GRAMD2A: variants seen among roughly 807,000 people sequenced by gnomAD.
GRAMD2A encodes GRAM domain-containing protein 2A.
GRAMD2A carries 37 observed loss-of-function variants against 51.1 expected under a neutral mutation model. The ratio of observed to expected loss-of-function variants is 0.72; its 90% confidence interval spans 0.56 to 0.95. GRAMD2A has a LOEUF of 0.95. GRAMD2A is among the 40% of genes least tolerant of loss of function. The pLI, the probability that GRAMD2A is intolerant of heterozygous loss-of-function variation, is 0.00. For missense variants in GRAMD2A, 414 were observed against 426.9 expected (o/e 0.97, Z 0.27); for synonymous variants, 136 against 157.1 (o/e 0.87, Z 1.01).
chr15:72,163,965 C>A (rs887426042), intron 8 of GRAMD2A: 4 of 530,172 alleles, frequency 7.5e-6, no homozygotes, highest in Admixed American at 7.6e-5. Context: ...ACTAGCTATT[C>A]TGCCAGCAAA....
At chr15:72,188,841 G>A (rs1420712380) in intron 1 of GRAMD2A, among the ~76,000 whole-genome samples, 3 of 151,926 alleles carry the variant, frequency 2.0e-5, no homozygotes, top group Admixed American at 6.6e-5. Context: ...CGCCACCTCA[G>A]CCAGCTAAAT....
In GRAMD2A at chr15:72,166,767, GC is replaced by G; in HGVS notation, c.472-65del. 1 of 1,419,712 alleles carries G rather than the reference GC, an allele frequency of 7.0e-7. No individual in the cohort carries two copies. Among genetic ancestry groups the G allele is most frequent in the Non-Finnish European group, 9.9e-7 (1 of 1,009,572 alleles). The allele number at this position is 1,419,712 out of a possible 1,614,324, so 87.9% of individuals were successfully genotyped here. ...ATGAGACTCCTTGCTGTGCCAGCCA[GC>G]CCCCTTGTGGATTGGGCACAGGCCC... On this transcript the variant is annotated intron_variant, in intron 6 of 11. Coordinates refer to ENST00000309731, the MANE Select transcript of GRAMD2A (RefSeq NM_001012642.3). The surrounding 1 kb of genome is among the most constrained non-coding windows in gnomAD (Gnocchi z 4.1).
Position 72,192,036 on chromosome 15 carries a change from A to G in GRAMD2A, c.41+5695T>C, listed in dbSNP as rs372406151. Among the ~76,000 whole-genome samples, 118 of 152,354 alleles carry G rather than the reference A, an allele frequency of 7.7e-4. 1 individual carries two copies. Among genetic ancestry groups the G allele is most frequent in the Middle Eastern group, 3.4e-3 (1 of 294 alleles). On this transcript the variant is annotated intron_variant, in intron 1 of 11. Coordinates refer to ENST00000309731, the MANE Select transcript of GRAMD2A (RefSeq NM_001012642.3). ...GTTACTGCCATTTTTTAGATGTAAT[A>G]ATGATATTGTAGAAATATTTTTTAA...
chr15:72,162,745 C>G (rs1042805919), intron 10 of GRAMD2A: 1 of 225,130 alleles, frequency 4.4e-6, no homozygotes, highest in Admixed American at 5.2e-5. Flanking sequence ...TGGGCCCATT[C>G]CCCCAGCAGG....
chr15:72,175,144 C>T (rs1174461928), intron 1 of GRAMD2A, among the ~76,000 whole-genome samples: 4 of 152,168 alleles, frequency 2.6e-5, no homozygotes, highest in Non-Finnish European at 4.4e-5. Flanking sequence ...TTCTTCTCCT[C>T]ACCTCCACAG....
rs556766106 is a variant in GRAMD2A, at chr15:72,169,640, C to T, written c.134+207G>A. The T allele has an allele frequency of 8.9e-5, 62 of 694,692 alleles. No homozygotes were observed. In the East Asian group the frequency reaches 1.3e-3, roughly 14 times the overall value. The allele number at this position is 694,692 out of a possible 1,614,324, so 43.0% of individuals were successfully genotyped here. A position where few individuals can be genotyped will look rare whatever the true frequency, so the allele number is the denominator to read the frequency against. On this transcript the variant is annotated intron_variant, in intron 2 of 11. Coordinates refer to ENST00000309731, the MANE Select transcript of GRAMD2A (RefSeq NM_001012642.3). The stretch of plus-strand genomic sequence containing the variant: ...GTGAGCAGGGAGGAGGCTGGAAACC[C>T]GAGAAGCATGGACTCTGCTAGGTCC...
rs556587220 is a variant in GRAMD2A, at chr15:72,197,659, C to T, written c.41+72G>A. The T allele has an allele frequency of 3.3e-5, 40 of 1,195,926 alleles. No homozygotes were observed. The South Asian group carries it at 8.9e-4, about 27-fold the overall frequency. The allele number at this position is 1,195,926 out of a possible 1,614,324, so 74.1% of individuals were successfully genotyped here. A position where few individuals can be genotyped will look rare whatever the true frequency, so the allele number is the denominator to read the frequency against. ...GCCGCGGCCCCAGGAGCCGTCCTGC[C>T]CCGCGCGGCAGCAGCCCCTCGCGGC... On this transcript the variant is annotated intron_variant, in intron 1 of 11. Coordinates refer to ENST00000309731, the MANE Select transcript of GRAMD2A (RefSeq NM_001012642.3).
At chr15:72,188,689 A>AT (rs754066790) in intron 1 of GRAMD2A, among the ~76,000 whole-genome samples, 1,946 of 147,262 alleles carry the variant, frequency 0.013, 23 homozygotes, top group Non-Finnish European at 0.02. Flanking sequence ...CTTTGCCTCA[A>AT]TTTTTTTTTT....
intron 1 of GRAMD2A, among the ~76,000 whole-genome samples, chr15:72,179,701 G>T (rs547451594): frequency 6.6e-6 from 1 of 152,218 alleles, no homozygotes; most frequent in African/African-American, 2.4e-5. Flanking sequence ...TCAGTCTGGG[G>T]TGGGGCTGGG....
Position 72,170,589 on chromosome 15 carries a change from G to C in GRAMD2A, c.42-650C>G, listed in dbSNP as rs2081601000. ...TGTCCCTGAGGGAGAGCGTAGGAGGGAACAGATCCTCTCTCCCTGGGCAGG... is the reference window on the plus strand; with the variant it reads ...TGTCCCTGAGGGAGAGCGTAGGAGGCAACAGATCCTCTCTCCCTGGGCAGG... On this transcript the variant is annotated intron_variant, in intron 1 of 11. Transcript: ENST00000309731. This position sits in a 1 kb window ranked among gnomAD's most constrained non-coding sequence, Gnocchi z 4.5. Among the ~76,000 whole-genome samples the C allele has an allele frequency of 6.6e-6, 1 of 152,158 alleles. No individual in the cohort carries two copies. The highest frequency in any genetic ancestry group is 1.5e-5 in the Non-Finnish European group (1 of 68,028).
At chr15:72,168,612 C>T (rs376782516) in intron 3 of GRAMD2A, 46 bp from the exon 4 acceptor site, 17 of 1,511,178 alleles carry the variant, frequency 1.1e-5, no homozygotes, top group African/African-American at 1.1e-4. Flanking sequence ...GAGATGAGAC[C>T]GCCAAAGGGG....
chr15:72,162,245 A>T (rs745714383), intron 11 of GRAMD2A, 28 bp downstream of exon 11: 1 of 1,524,976 alleles, frequency 6.6e-7, no homozygotes, highest in Admixed American at 1.7e-5. Context: ...CTCAATATCA[A>T]AGGCATTAGA....
chr15:72,163,804 C>A, intron 8 of GRAMD2A, 47 bp from the exon 9 acceptor site: 1 of 1,588,012 alleles, frequency 6.3e-7, no homozygotes. Flanking sequence ...CTTGCGATCT[C>A]ACTTGCCCTA....
intron 1 of GRAMD2A, among the ~76,000 whole-genome samples, chr15:72,179,217 C>CA (rs1317942319): frequency 1.3e-5 from 2 of 152,256 alleles, no homozygotes; most frequent in African/African-American, 4.8e-5. Flanking sequence ...CCTATCTTCC[C>CA]AAGACCTACC....
chr15:72,171,257 G>T (rs2081607238), intron 1 of GRAMD2A, among the ~76,000 whole-genome samples: 1 of 151,432 alleles, frequency 6.6e-6, no homozygotes, highest in Non-Finnish European at 1.5e-5. Flanking sequence ...GGATTTATTT[G>T]GTTCCATCAT....
At position 72,171,408 on chromosome 15, in the gene GRAMD2A, A is replaced by C. The variant is rs144817276; in HGVS notation, c.42-1469T>G. ...AAAATGTATGATAAACATATAACCTATGTAAATGGTTATATAATCTATAAT... is the reference window on the plus strand; with the variant it reads ...AAAATGTATGATAAACATATAACCTCTGTAAATGGTTATATAATCTATAAT... On this transcript the variant is annotated intron_variant, in intron 1 of 11. Transcript: ENST00000309731. Among the ~76,000 whole-genome samples, 10 of 152,266 alleles carry C rather than the reference A, an allele frequency of 6.6e-5. No homozygotes were observed. In the East Asian group the frequency reaches 1.7e-3, roughly 26 times the overall value.
chr15:72,168,563 T>G lies in GRAMD2A; in HGVS notation c.196A>C (p.Thr66Pro). Reference protein sequence around the residue: ...EIKKCGREGITLNKYNQQYHK... With the variant: ...EIKKCGREGIPLNKYNQQYHK... ...TATTGCTGGTTGTATTTATTCAGTG[T>G]TATCTGCAAACACACAGGCTGCGTC... The change falls in exon 4 of 12, where the codon ACA becomes CCA. Residue 66 changes from threonine to proline, a missense_variant. Thr to Pro is a conservative substitution (Grantham distance 38, BLOSUM62 -1). Transcript: ENST00000309731. 1.2e-6 allele frequency: 2 copies of G among 1,613,336 alleles called. No individual in the cohort carries two copies. The highest frequency in any genetic ancestry group is 1.7e-6 in the Non-Finnish European group (2 of 1,179,430).
intron 4 of GRAMD2A, 80 bp from the exon 5 acceptor site, chr15:72,167,919 A>ACTGTGGACTCCAGAACGT: frequency 1.1e-6 from 1 of 921,794 alleles, no homozygotes; most frequent in Non-Finnish European, 1.8e-6. Flanking sequence ...CACGTTCTGG[A>ACTGTGGACTCCAGAACGT]GTCCACAGTC....
At position 72,165,380 on chromosome 15, in the gene GRAMD2A, C is replaced by A; in HGVS notation, c.574G>T (p.Glu192Ter). 1.2e-6 allele frequency: 2 copies of A among 1,614,124 alleles called. No homozygotes were observed. Among genetic ancestry groups the A allele is most frequent in the African/African-American group, 1.3e-5 (1 of 75,058 alleles). Residue 192 changes from glutamate to a stop codon, truncating the protein, a stop_gained, in exon 8 of 12, where the codon GAA becomes TAA. Transcript: ENST00000309731. LOFTEE classifies it high-confidence loss of function. The stretch of plus-strand genomic sequence containing the variant: ...AGAGACTCAGGTTCCCCTGAAAATT[C>A]TCTTACACTCAGACTCTTCTTGCTG... ...PSSKKSLSVR[E>*]FSGEPESLEV...
Sources: allele counts gnomAD v4.1 joint callset (sites outside exome capture counted in the v4.1 genomes callset), GRCh38; gene constraint gnomAD v4.1.1; non-coding constraint Gnocchi (gnomAD v3.1); transcripts MANE v1.5; gene names NCBI Gene and HGNC (gene_info 2026-07-23, HGNC 2026-07-21).